The following TDP1 variants were observed in gnomAD, a reference collection of about 807,000 sequenced individuals.
TDP1 encodes tyrosyl-DNA phosphodiesterase 1.
In TDP1, 64 loss-of-function variants were observed where a neutral mutation model predicts 81.5. The ratio of observed to expected loss-of-function variants is 0.79; its 90% CI spans 0.64 to 0.97. TDP1 has a LOEUF of 0.97. Ranked by LOEUF, TDP1 falls within the 50% of genes least tolerant of loss-of-function variation. The probability of loss-of-function intolerance (pLI) is 0.00; values close to 1 mark genes in which losing one functional copy is unlikely to be tolerated. For missense variants in TDP1, 723 were observed against 743.8 expected, an observed-to-expected ratio of 0.97 and a Z score of 0.33; for synonymous variants, 256 against 264.3, an observed-to-expected ratio of 0.97 and a Z score of 0.30.
intron 9 of TDP1, 165 bp from the exon 10 acceptor site, chr14:89,984,967 A>G: frequency 9.6e-6 from 9 of 934,998 alleles, no homozygotes; most frequent in Non-Finnish European, 8.9e-6. Flanking sequence ...GCATTCCATC[A>G]TTAGTTGATT....
chr14:89,996,903 A>G (rs1896690519), intron 14 of TDP1, among the ~76,000 whole-genome samples: 1 of 152,212 alleles, frequency 6.6e-6, no homozygotes, highest in African/African-American at 2.4e-5. Flanking sequence ...AATGAGGAAT[A>G]AGGCGGCAGA....
chr14:89,992,690 T>C (rs1251829029), intron 13 of TDP1, among the ~76,000 whole-genome samples: 1 of 152,216 alleles, frequency 6.6e-6, no homozygotes, highest in East Asian at 1.9e-4. Context: ...TTAAATATTA[T>C]ATTATTAAAT....
At position 90,033,180 on chromosome 14, in the gene TDP1, A is replaced by T. The variant is rs1327664972; in HGVS notation, c.1719A>T (p.Pro573=). ...SQEPMATFPV[P]YDLPPELYGS... ...AGCCAATGGCCACCTTTCCTGTGCC[A>T]TATGATTTGCCTCCAGAACTGTATG... Residue 573 remains proline (P), a synonymous_variant, in exon 16 of 17, where the codon CCA becomes CCT. Coordinates refer to ENST00000335725, the MANE Select transcript of TDP1 (RefSeq NM_018319.4). The T allele has an allele frequency of 8.7e-6, 14 of 1,612,636 alleles. No individual in the cohort carries two copies. The highest frequency in any genetic ancestry group is 1.2e-5 in the Non-Finnish European group (14 of 1,178,792).
At chr14:90,002,274 C>T (rs1336415512) in intron 14 of TDP1, among the ~76,000 whole-genome samples, 1 of 152,132 alleles carries the variant, frequency 6.6e-6, no homozygotes, top group Non-Finnish European at 1.5e-5. Flanking sequence ...GAGGAAATAA[C>T]CTGAGATAGA....
chr14:90,011,148 C>T (rs112948459), intron 14 of TDP1, among the ~76,000 whole-genome samples: 260 of 152,334 alleles, frequency 1.7e-3, no homozygotes, highest in Middle Eastern at 0.01. Context: ...GCCTTTGCTC[C>T]TCCTTCGCCT....
intron 14 of TDP1, among the ~76,000 whole-genome samples, chr14:89,999,708 A>G (rs7152292): frequency 0.039 from 5,933 of 150,770 alleles, 384 homozygotes; most frequent in African/African-American, 0.14. Flanking sequence ...CATATCCAAA[A>G]AAGTATTATG....
At chr14:89,982,775 C>T (rs1395376901) in intron 8 of TDP1, among the ~76,000 whole-genome samples, 1 of 152,124 alleles carries the variant, frequency 6.6e-6, no homozygotes, top group Non-Finnish European at 1.5e-5. Context: ...GGTGTGGGAT[C>T]CTATTATTTC....
At chr14:89,958,756 T>G (rs577240885) in intron 2 of TDP1, among the ~76,000 whole-genome samples, 9 of 152,340 alleles carry the variant, frequency 5.9e-5, no homozygotes, top group Admixed American at 2.6e-4. Flanking sequence ...GGCTTTAAAC[T>G]GTCTTTGGTT....
At chr14:90,030,184 G>A (rs8007657) in intron 15 of TDP1, among the ~76,000 whole-genome samples, 50 of 152,310 alleles carry the variant, frequency 3.3e-4, no homozygotes, top group African/African-American at 1.2e-3. Flanking sequence ...AGGTGCTGCC[G>A]AGCTGGCCTG....
chr14:90,022,982 C>T, intron 15 of TDP1: 1 of 746,834 alleles, frequency 1.3e-6, no homozygotes, highest in South Asian at 1.4e-5. Context: ...GACTACCCAC[C>T]TCCATACTCA....
intron 7 of TDP1, among the ~76,000 whole-genome samples, chr14:89,977,794 G>C (rs1336779793): frequency 6.6e-6 from 1 of 152,186 alleles, no homozygotes; most frequent in Admixed American, 6.5e-5. Context: ...GGTAGAGCTA[G>C]AAACAGTGAA....
At chr14:90,007,169 AACTGT>A (rs1884126912) in intron 14 of TDP1, among the ~76,000 whole-genome samples, 1 of 152,024 alleles carries the variant, frequency 6.6e-6, no homozygotes, top group Admixed American at 6.5e-5. Context: ...TTTATTCCTG[AACTGT>A]ATCTTTTATA....
In TDP1 at chr14:89,988,974, G is replaced by T. The variant is rs892739281; in HGVS notation, c.1201G>T (p.Val401Phe). 3 of 1,614,056 alleles carry T rather than the reference G, an allele frequency of 1.9e-6. No homozygotes were observed. The highest frequency in any genetic ancestry group is 4.5e-5 in the East Asian group (2 of 44,888). ...GCCTGTCGTAGGTCAGTTTTCAAGC[G>T]TTGGCTCCTTGGGAGCCGATGAATC... ...SWPVVGQFSSVGSLGADESKW... is the reference protein window; with the variant it reads ...SWPVVGQFSSFGSLGADESKW... The change falls in exon 11 of 17, where the codon GTT (valine) becomes TTT (phenylalanine). Residue 401 changes from valine (V) to phenylalanine (F), a missense_variant. By Grantham distance (50) the Val-to-Phe change is conservative. Coordinates refer to ENST00000335725, the MANE Select transcript of TDP1 (RefSeq NM_018319.4).
intron 5 of TDP1, among the ~76,000 whole-genome samples, chr14:89,970,023 C>T (rs1005553679): frequency 1.3e-5 from 2 of 150,710 alleles, no homozygotes; most frequent in African/African-American, 2.4e-5. Context: ...ACTACAGGCG[C>T]CCGCCACTAC....
At chr14:90,035,733 C>CTTTTT (rs543354253) in intron 16 of TDP1, among the ~76,000 whole-genome samples, 7,206 of 138,902 alleles carry the variant, frequency 0.052, 346 homozygotes, top group African/African-American at 0.12. Context: ...CCTTTTCTTC[C>CTTTTT]TTTTTTTTTT....
At chr14:89,996,596 C>T (rs1033878230) in intron 14 of TDP1, among the ~76,000 whole-genome samples, 2 of 152,202 alleles carry the variant, frequency 1.3e-5, no homozygotes, top group Non-Finnish European at 2.9e-5. Context: ...CAAGCATGAG[C>T]TTTAACATTG....
At chr14:89,993,630 G>A in intron 14 of TDP1, 147 bp downstream of exon 14, 1 of 1,295,284 alleles carries the variant, frequency 7.7e-7, no homozygotes, top group African/African-American at 1.5e-5. Flanking sequence ...TTATTTAAAG[G>A]CATCCCATGA....
In TDP1 at chr14:90,042,988, A is replaced by G. The variant is rs149789906; in HGVS notation, c.1754-82A>G. On this transcript the variant is annotated intron_variant, in intron 16 of 16. Transcript: ENST00000335725. ...TACCACAGTTTAGAGAGTCAAGCACATAAGTGTTTTTATGCCATCAGGTGA... is the reference window on the plus strand; with the variant it reads ...TACCACAGTTTAGAGAGTCAAGCACGTAAGTGTTTTTATGCCATCAGGTGA... 1.0e-3 allele frequency: 1,678 copies of G among 1,609,424 alleles called. 14 individuals carry two copies. In the African/African-American group the frequency reaches 0.018, roughly 17 times the overall value.
At chr14:90,023,176 G>C (rs1886284624) in intron 15 of TDP1, 7 of 703,254 alleles carry the variant, frequency 1.0e-5, no homozygotes, top group Non-Finnish European at 1.6e-5. Flanking sequence ...TCTGAGAAGA[G>C]GGACCATGTG....
Sources: allele counts gnomAD v4.1 joint callset (sites outside exome capture counted in the v4.1 genomes callset), GRCh38; gene constraint gnomAD v4.1.1; transcripts MANE v1.5; gene names NCBI Gene and HGNC (gene_info 2026-07-23, HGNC 2026-07-21).